ZNF423: variants seen among roughly 807,000 people sequenced by gnomAD.
ZNF423 encodes Ebf-associated zinc finger protein.
A neutral mutation model predicts 95.8 loss-of-function variants in ZNF423; 12 were observed. That is an observed-to-expected ratio of 0.13 (90% CI 0.08 to 0.20). The LOEUF (loss-of-function observed/expected upper bound fraction) is 0.20, where lower values mean the gene tolerates loss of function less well. Among genes scored for constraint, ZNF423 ranks in the 10% least tolerant of loss-of-function variants. The pLI, the probability that ZNF423 is intolerant of heterozygous loss-of-function variation, is 1.00. For missense variants in ZNF423, 1,316 were observed against 1,737.1 expected (o/e 0.76, Z 4.31); for synonymous variants, 749 against 711.9 (o/e 1.05, Z -0.83).
intron 7 of ZNF423, among the ~76,000 whole-genome samples, chr16:49,513,966 A>G (rs992296703): frequency 2.0e-5 from 3 of 152,018 alleles, no homozygotes; most frequent in African/African-American, 4.8e-5. Flanking sequence ...ATGCGAGGCC[A>G]GCCCAGGAGA....
At chr16:49,814,479 C>T (rs2034805826) in intron 1 of ZNF423, among the ~76,000 whole-genome samples, 2 of 151,100 alleles carry the variant, frequency 1.3e-5, no homozygotes, top group African/African-American at 4.9e-5. Context: ...GGATAAACTG[C>T]ACCTGCCTTT....
At chr16:49,830,919 G>A (rs1479651686) in intron 1 of ZNF423, among the ~76,000 whole-genome samples, 7 of 152,092 alleles carry the variant, frequency 4.6e-5, no homozygotes, top group African/African-American at 1.7e-4. Context: ...AAGCATCCCA[G>A]GTGATACAAT....
chr16:49,549,160 T>A (rs1969541982), intron 5 of ZNF423, among the ~76,000 whole-genome samples: 1 of 152,204 alleles, frequency 6.6e-6, no homozygotes, highest in Admixed American at 6.5e-5. Context: ...GATCTGCATG[T>A]GAGGACTTCC....
intron 5 of ZNF423, among the ~76,000 whole-genome samples, chr16:49,571,996 C>T (rs1970369096): frequency 6.6e-6 from 1 of 152,204 alleles, no homozygotes; most frequent in African/African-American, 2.4e-5. Context: ...TACTATGTGC[C>T]AAGCACCGTG....
chr16:49,769,884 A>G lies in ZNF423; in HGVS notation c.100+19603T>C, dbSNP rs548195441. 2.3e-4 allele frequency among the ~76,000 whole-genome samples: 35 copies of G among 151,950 alleles called. 1 individual carries two copies. In the East Asian group the frequency reaches 6.4e-3, roughly 28 times the overall value. On this transcript the variant is annotated intron_variant, in intron 2 of 7. Coordinates refer to ENST00000563137, the MANE Select transcript of ZNF423 (RefSeq NM_001379286.1). ...TCCCACAGTGGGGAACGCCTGGGAC[A>G]CTGCTTCCGCTGCTGTGCATGGCTC...
chr16:49,680,881 T>C (rs1162186887), intron 3 of ZNF423, among the ~76,000 whole-genome samples: 1 of 152,218 alleles, frequency 6.6e-6, no homozygotes, highest in East Asian at 1.9e-4. Context: ...CAGAAGGCAC[T>C]GCTGGCCACA....
intron 5 of ZNF423, among the ~76,000 whole-genome samples, chr16:49,568,840 C>T (rs769076556): frequency 1.3e-5 from 2 of 152,092 alleles, no homozygotes; most frequent in Admixed American, 6.6e-5. Flanking sequence ...CCAGCACACA[C>T]GGGGAGCTCC....
At chr16:49,759,804 A>G (rs1242984668) in intron 2 of ZNF423, among the ~76,000 whole-genome samples, 1 of 152,120 alleles carries the variant, frequency 6.6e-6, no homozygotes, top group East Asian at 1.9e-4. Context: ...AACCTCCTTC[A>G]GACGTCACAG....
chr16:49,615,741 G>T (rs1382759994), intron 5 of ZNF423, among the ~76,000 whole-genome samples: 1 of 152,198 alleles, frequency 6.6e-6, no homozygotes, highest in Non-Finnish European at 1.5e-5. Flanking sequence ...GCATCACCCA[G>T]TTAAGCCCAG....
intron 3 of ZNF423, among the ~76,000 whole-genome samples, chr16:49,660,963 A>G (rs1343044276): frequency 1.3e-5 from 2 of 152,136 alleles, no homozygotes; most frequent in African/African-American, 2.4e-5. Context: ...ACTCACACCT[A>G]TAATCCCAGC....
intron 3 of ZNF423, among the ~76,000 whole-genome samples, chr16:49,659,293 A>C (rs58055145): frequency 0.039 from 5,931 of 152,236 alleles, 195 homozygotes; most frequent in African/African-American, 0.088. Flanking sequence ...CTCGCTATGT[A>C]TGTTGCCAGG....
At chr16:49,525,852 C>T (rs551657820) in intron 5 of ZNF423, among the ~76,000 whole-genome samples, 4 of 152,316 alleles carry the variant, frequency 2.6e-5, no homozygotes, top group African/African-American at 9.6e-5. Flanking sequence ...GGTGGTCCAA[C>T]CAGGATTTTA....
intron 5 of ZNF423, among the ~76,000 whole-genome samples, chr16:49,554,722 T>C (rs932334200): frequency 3.9e-5 from 6 of 152,008 alleles, no homozygotes; most frequent in African/African-American, 1.2e-4. Context: ...GGAATCATTA[T>C]ATGATTATTG....
In ZNF423 at chr16:49,569,059, A is replaced by C. The variant is rs143225941; in HGVS notation, c.3602-43565T>G. ...CCGAGGAAAACCCCCGCCTCTAAAGAACTCTAGCACCTACTGCGCATGCCA... is the reference window on the plus strand; with the variant it reads ...CCGAGGAAAACCCCCGCCTCTAAAGCACTCTAGCACCTACTGCGCATGCCA... On this transcript the variant is annotated intron_variant, in intron 5 of 7. Transcript: ENST00000563137. Among the ~76,000 whole-genome samples, 114 of 152,238 alleles carry C rather than the reference A, an allele frequency of 7.5e-4. 1 individual carries two copies. Among genetic ancestry groups the C allele is most frequent in the East Asian group, 6.0e-3 (31 of 5,176 alleles).
intron 1 of ZNF423, among the ~76,000 whole-genome samples, chr16:49,832,617 G>A (rs912537947): frequency 6.6e-6 from 1 of 152,198 alleles, no homozygotes; most frequent in African/African-American, 2.4e-5. Context: ...GTTATGACAG[G>A]TCAGAACAGA....
At chr16:49,605,911 G>T (rs1971522526) in intron 5 of ZNF423, among the ~76,000 whole-genome samples, 1 of 152,204 alleles carries the variant, frequency 6.6e-6, no homozygotes, top group Non-Finnish European at 1.5e-5. Context: ...CCCGGGAAAG[G>T]TGTTTCCCCA....
intron 2 of ZNF423, among the ~76,000 whole-genome samples, chr16:49,773,105 G>A (rs1438885124): frequency 6.6e-6 from 1 of 152,152 alleles, no homozygotes; most frequent in African/African-American, 2.4e-5. Context: ...GATCACCTGA[G>A]GTCAGGAGTT....
intron 1 of ZNF423, among the ~76,000 whole-genome samples, chr16:49,843,840 C>G (rs1454448231): frequency 6.6e-6 from 1 of 152,076 alleles, no homozygotes; most frequent in East Asian, 1.9e-4. Context: ...AGACCACCCC[C>G]CCTCCAAAGA....
intron 1 of ZNF423, among the ~76,000 whole-genome samples, chr16:49,830,115 A>C (rs539265369): frequency 6.6e-6 from 1 of 152,314 alleles, no homozygotes; most frequent in African/African-American, 2.4e-5. Context: ...AGACAGTAAC[A>C]GCAGTGGGCC....
Sources: gnomAD v4.1 joint callset for allele counts (sites outside exome capture counted in the v4.1 genomes callset) on GRCh38, gnomAD v4.1.1 for gene constraint, MANE v1.5 for transcripts, NCBI Gene and HGNC (gene_info 2026-07-23, HGNC 2026-07-21) for gene names.